The following NOC2L variants were observed in gnomAD, a reference collection of about 807,000 sequenced individuals.
The protein encoded by NOC2L is nucleolar complex protein 2 homolog.
NOC2L carries 101 observed loss-of-function variants against 94.2 expected under a neutral mutation model. The ratio of observed to expected loss-of-function variants is 1.07; its 90% CI spans 0.91 to 1.26. NOC2L has a LOEUF of 1.26. NOC2L is among the 50% of genes most tolerant of loss of function. The probability of loss-of-function intolerance (pLI) is 0.00; values close to 1 mark genes in which losing one functional copy is unlikely to be tolerated. For synonymous variants in NOC2L, 531 were observed against 413.4 expected (o/e 1.28, Z -3.45); for missense variants, 1,076 against 980.1 (o/e 1.10, Z -1.31).
chr1:955,839 C>T (rs1642385429), intron 6 of NOC2L, 84 bp downstream of exon 6: 2 of 1,182,916 alleles, frequency 1.7e-6, no homozygotes, highest in Non-Finnish European at 2.5e-6. Flanking sequence ...ATGTCTCTGT[C>T]CTAGCCACAA....
At chr1:944,885 G>T (rs777952777) in intron 18 of NOC2L, 85 bp from the exon 19 acceptor site, 39 of 1,302,296 alleles carry the variant, frequency 3.0e-5, no homozygotes, top group Non-Finnish European at 4.2e-5. Context: ...AATTAATCAC[G>T]GCACTAATTA....
At chr1:957,477 C>G in intron 2 of NOC2L, 3 of 585,408 alleles carry the variant, frequency 5.1e-6, no homozygotes, top group Non-Finnish European at 9.1e-6. Flanking sequence ...GCCCCCCAGC[C>G]GCGGTCTTCC....
In NOC2L at chr1:946,448, C is replaced by G. The variant is rs1409744938; in HGVS notation, c.1757G>C (p.Ser586Thr). The change falls in exon 15 of 19, where the codon AGC becomes ACC. Residue 586 changes from serine (S) to threonine (T), a missense_variant. Ser to Thr is a moderately conservative substitution (Grantham distance 58). Coordinates refer to ENST00000327044, the MANE Select transcript of NOC2L (RefSeq NM_015658.4). ...GCCGAAGGAAACCCTCTGGCGGCGG[C>G]TGCAGATGTATGCCGAGTTCTCCTG... ...KVQENSAYIC[S>T]RRQRVSFGVS... is the part of the protein sequence containing the mutation. 6.2e-7 allele frequency: 1 copy of G among 1,613,424 alleles called. No homozygotes were observed. Among genetic ancestry groups the G allele is most frequent in the Non-Finnish European group, 8.5e-7 (1 of 1,180,018 alleles).
chr1:953,842 G>A lies in NOC2L; in HGVS notation c.828C>T (p.His276=), dbSNP rs775348217. The stretch of plus-strand genomic sequence containing the variant: ...GGAAGCAGGGCACCAGCACGCTGAT[G>A]TGCCGCAGCACGGCCGCCAACACCG... ...ETTVLAAVLR[H]ISVLVPCFLT... The change falls in exon 8 of 19, where the codon CAC becomes CAT. Residue 276 remains histidine, a synonymous_variant. Coordinates refer to ENST00000327044, the MANE Select transcript of NOC2L (RefSeq NM_015658.4). 8 of 1,613,106 alleles carry A rather than the reference G, an allele frequency of 5.0e-6. No individual in the cohort carries two copies. Among genetic ancestry groups the A allele is most frequent in the Non-Finnish European group, 6.8e-6 (8 of 1,180,028 alleles).
rs1642399655 is a variant in NOC2L at position 956,278 on chromosome 1, C to T, written c.487-63G>A. The stretch of plus-strand genomic sequence containing the variant: ...GAGACTGCACTTGGCAGAGTGGAAA[C>T]GGCAGCCCCAGAGAAAGGCACCCTC... On this transcript the variant is annotated intron_variant, in intron 4 of 18. Coordinates refer to ENST00000327044, the MANE Select transcript of NOC2L (RefSeq NM_015658.4). The T allele has an allele frequency of 1.0e-5, 16 of 1,595,784 alleles. 1 individual carries two copies. Among genetic ancestry groups the T allele is most frequent in the Middle Eastern group, 1.7e-4 (1 of 6,030 alleles).
chr1:949,630 G>T (rs376110025), intron 12 of NOC2L, among the ~76,000 whole-genome samples: 1 of 152,216 alleles, frequency 6.6e-6, no homozygotes, highest in South Asian at 2.1e-4. Context: ...AACAGACACT[G>T]CAAGAGAGTA....
chr1:944,507 C>T lies in NOC2L; in HGVS notation c.*187G>A. 1.6e-6 allele frequency: 1 copy of T among 608,160 alleles called. No individual in the cohort carries two copies. 37.7% of individuals were successfully genotyped at this position (608,160 alleles called of 1,614,324 possible). On this transcript the variant is annotated 3_prime_UTR_variant, in exon 19 of 19. Transcript: ENST00000327044. ...CAGCTGTGGGGCTTCAGCAGCCACA[C>T]CAGCCCAGCCCAGCCCAGCTCTCGA...
chr1:944,711 G>T lies in NOC2L; in HGVS notation c.2233C>A (p.Leu745Ile). ...GPEDELEDLQ[L>I]SEDD ...GGGCTGCCTCAGTCGTCCTCTGAGA[G>T]CTGCAGATCCTCCAGCTCGTCCTCC... The change falls in exon 19 of 19, where the codon CTC becomes ATC. Residue 745 changes from leucine to isoleucine, a missense_variant. Around this residue, in one of 3 missense-constraint regions of NOC2L, gnomAD observed 615 missense variants for 577.4 expected, o/e 1.07. Coordinates refer to ENST00000327044, the MANE Select transcript of NOC2L (RefSeq NM_015658.4). 2 of 1,598,560 alleles carry T rather than the reference G, an allele frequency of 1.3e-6. No homozygotes were observed. The highest frequency in any genetic ancestry group is 8.5e-7 in the Non-Finnish European group (1 of 1,177,752).
chr1:954,168 G>T, intron 6 of NOC2L, 86 bp from the exon 7 acceptor site: 2 of 1,320,622 alleles, frequency 1.5e-6, no homozygotes, highest in Non-Finnish European at 2.1e-6. Flanking sequence ...GCCCTGGCCA[G>T]CATAGCCTCT....
intron 9 of NOC2L, 31 bp from the exon 10 acceptor site, chr1:952,631 G>A: frequency 6.2e-7 from 1 of 1,610,798 alleles, no homozygotes; most frequent in Non-Finnish European, 8.5e-7. Flanking sequence ...GAGCCACCTG[G>A]GATCAGGGCC....
At chr1:958,810 T>C (rs757921105) in intron 2 of NOC2L, 119 bp downstream of exon 2, 37 of 989,050 alleles carry the variant, frequency 3.7e-5, no homozygotes, top group Non-Finnish European at 5.4e-5. Context: ...CTGAAAGGAC[T>C]GGGGGGCAGA....
Position 958,998 on chromosome 1 carries a change from T to G in NOC2L, c.110A>C (p.Gln37Pro). 6.2e-7 allele frequency: 1 copy of G among 1,612,688 alleles called. No homozygotes were observed. Among genetic ancestry groups the G allele is most frequent in the Non-Finnish European group, 8.5e-7 (1 of 1,179,928 alleles). The stretch of plus-strand genomic sequence containing the variant: ...CTCGCGTGCTTCCCGTGTCTCCGCT[T>G]GTGGAGAATTTTCGGACTCGGATTC... ...ESESESENSP[Q>P]AETREAREAA... The change falls in exon 2 of 19, where the codon CAA (glutamine) becomes CCA (proline). Residue 37 changes from glutamine to proline, a missense_variant. Gln to Pro is a moderately conservative substitution (Grantham distance 76). Coordinates refer to ENST00000327044, the MANE Select transcript of NOC2L (RefSeq NM_015658.4).
At chr1:958,235 A>G (rs75254714) in intron 2 of NOC2L, 3,822 of 159,474 alleles carry the variant, frequency 0.024, 157 homozygotes, top group East Asian at 0.13. Flanking sequence ...CGCCAGGCTA[A>G]TTTTTGTATC....
chr1:947,442 G>A (rs543706392), intron 14 of NOC2L, among the ~76,000 whole-genome samples: 1 of 152,238 alleles, frequency 6.6e-6, no homozygotes, highest in Non-Finnish European at 1.5e-5. Context: ...CATGTGAGCA[G>A]ATCCCTCCTC....
Position 952,262 on chromosome 1 carries a change from C to A in NOC2L, c.1192-123G>T, listed in dbSNP as rs147660103. The A allele has an allele frequency of 1.2e-4, 162 of 1,397,434 alleles. 1 individual carries two copies. In the African/African-American group the frequency reaches 1.6e-3, roughly 13 times the overall value. The allele number at this position is 1,397,434 out of a possible 1,614,324, so 86.6% of individuals were successfully genotyped here. A position where few individuals can be genotyped will look rare whatever the true frequency, so the allele number is the denominator to read the frequency against. On this transcript the variant is annotated intron_variant, in intron 10 of 18. Transcript: ENST00000327044. ...CACACGGGGTCTCAACCCATCCACC[C>A]TTCCCCCACCTGCAAGGACCGACTG...
At chr1:956,424 C>G (rs887271681) in intron 4 of NOC2L, among the ~76,000 whole-genome samples, 4 of 152,096 alleles carry the variant, frequency 2.6e-5, no homozygotes, top group African/African-American at 9.7e-5. Flanking sequence ...CTCAGGAGCC[C>G]CAGGAAAAGG....
In NOC2L at chr1:944,591, T is replaced by A; in HGVS notation, c.*103A>T. The A allele has an allele frequency of 1.4e-6, 1 of 697,018 alleles. No individual in the cohort carries two copies. Among genetic ancestry groups the A allele is most frequent in the Non-Finnish European group, 2.4e-6 (1 of 415,238 alleles). 43.2% of individuals were successfully genotyped at this position (697,018 alleles called of 1,614,324 possible). On this transcript the variant is annotated 3_prime_UTR_variant, in exon 19 of 19. Coordinates refer to ENST00000327044, the MANE Select transcript of NOC2L (RefSeq NM_015658.4). ...TAAAGCCTGTCCCGTGTCTACTGCC[T>A]CCCCCAACTGCACAGACGCCAGCCT...
At chr1:958,728 C>T (rs778320140) in intron 2 of NOC2L, 3 of 711,292 alleles carry the variant, frequency 4.2e-6, no homozygotes, top group Admixed American at 2.0e-5. Context: ...CACCAACATA[C>T]GCTCCCTGCC....
intron 6 of NOC2L, among the ~76,000 whole-genome samples, chr1:954,856 A>G (rs917304491): frequency 6.6e-6 from 1 of 151,870 alleles, no homozygotes; most frequent in African/African-American, 2.4e-5. Flanking sequence ...CCAAACAAAC[A>G]AAACAAAACA....
Sources: allele counts gnomAD v4.1 joint callset (sites outside exome capture counted in the v4.1 genomes callset), GRCh38; gene constraint gnomAD v4.1.1; regional missense constraint gnomAD v4.1.1; transcripts MANE v1.5; gene names NCBI Gene and HGNC (gene_info 2026-07-23, HGNC 2026-07-21).